BMPER: variants seen among roughly 807,000 people sequenced by gnomAD.
BMPER encodes BMP binding endothelial regulator.
In BMPER, 45 loss-of-function variants were observed where a neutral mutation model predicts 87.3. That is an observed-to-expected ratio of 0.52 (90% confidence interval 0.41 to 0.66). BMPER has a LOEUF of 0.66. Among genes scored for constraint, BMPER ranks in the 30% least tolerant of loss-of-function variants. BMPER has a pLI of 0.00. For missense variants in BMPER, 784 were observed against 867.5 expected (o/e 0.90, Z 1.21); for synonymous variants, 326 against 316.2 (o/e 1.03, Z -0.33).
At chr7:34,011,599 A>AAG (rs1554304697) in intron 6 of BMPER, among the ~76,000 whole-genome samples, 13 of 148,624 alleles carry the variant, frequency 8.7e-5, no homozygotes, top group African/African-American at 2.2e-4. Context: ...AAAAAAAAAA[A>AAG]AAAAAGAAAA....
At chr7:34,100,315 C>G (rs776853394) in intron 13 of BMPER, among the ~76,000 whole-genome samples, 1 of 152,228 alleles carries the variant, frequency 6.6e-6, no homozygotes, top group Non-Finnish European at 1.5e-5. Flanking sequence ...ACCTACTATG[C>G]GTATGTGTGT....
In BMPER at chr7:33,940,314, G is replaced by A. The variant is rs1784721704; in HGVS notation, c.319+2926G>A. On this transcript the variant is annotated intron_variant, in intron 3 of 14. Coordinates refer to ENST00000649409, the MANE Select transcript of BMPER (RefSeq NM_001365308.1). ...AGATACATAAGATTCTGTTGTAAGA[G>A]TGTCTCAACATTCATTTGGTCGTTT... Among the ~76,000 whole-genome samples, 4 of 152,176 alleles carry A rather than the reference G, an allele frequency of 2.6e-5. No homozygotes were observed. The South Asian group carries it at 8.3e-4, about 32-fold the overall frequency.
At chr7:34,039,603 T>TACACAC (rs56214614) in intron 6 of BMPER, among the ~76,000 whole-genome samples, 3,441 of 142,652 alleles carry the variant, frequency 0.024, 52 homozygotes, top group East Asian at 0.068. Flanking sequence ...GACACACAAA[T>TACACAC]ACACACACAC....
intron 6 of BMPER, among the ~76,000 whole-genome samples, chr7:34,030,985 G>C (rs545090447): frequency 6.6e-6 from 1 of 151,434 alleles, no homozygotes; most frequent in African/African-American, 2.4e-5. Context: ...ATGTTGGCAG[G>C]TGTCAAGGAA....
intron 13 of BMPER, among the ~76,000 whole-genome samples, chr7:34,122,752 T>TG (rs1318412788): frequency 6.6e-6 from 1 of 152,206 alleles, no homozygotes; most frequent in East Asian, 1.9e-4. Flanking sequence ...TTTTTCCACA[T>TG]GCTTTTAATA....
intron 11 of BMPER, among the ~76,000 whole-genome samples, chr7:34,075,414 C>T (rs1788838799): frequency 6.6e-6 from 1 of 152,048 alleles, no homozygotes; most frequent in South Asian, 2.1e-4. Flanking sequence ...AGAGAAAAAA[C>T]ACTCACTCCT....
intron 6 of BMPER, among the ~76,000 whole-genome samples, chr7:34,025,548 G>T (rs905411337): frequency 6.6e-6 from 1 of 152,026 alleles, no homozygotes; most frequent in African/African-American, 2.4e-5. Flanking sequence ...CAAGAAGGAG[G>T]ATCTACCCTT....
intron 2 of BMPER, among the ~76,000 whole-genome samples, chr7:33,920,518 T>A (rs781512321): frequency 7.1e-6 from 1 of 141,736 alleles, no homozygotes; most frequent in African/African-American, 2.7e-5. Context: ...CTCCACCTCC[T>A]GGGTTCAAGT....
rs1056640280 is a variant in BMPER at position 34,153,184 on chromosome 7, A to C, written c.1969A>C (p.Lys657Gln). 1.2e-6 allele frequency: 2 copies of C among 1,613,902 alleles called. No individual in the cohort carries two copies. Among genetic ancestry groups the C allele is most frequent in the African/African-American group, 1.3e-5 (1 of 74,900 alleles). Residue 657 changes from lysine (K) to glutamine (Q), a missense_variant, in exon 15 of 15, where the codon AAG becomes CAG. By Grantham distance (53) the Lys-to-Gln change is moderately conservative. Transcript: ENST00000649409. Reference protein sequence around the residue: ...DNWNEIGPCNKPCVAGCHCPA... With the variant: ...DNWNEIGPCNQPCVAGCHCPA... Reference sequence around the variant, plus strand: ...CTGGAATGAAATTGGTCCATGCAACAAGCCGTGCGTTGCTGGGTGCCACTG... The same window carrying C: ...CTGGAATGAAATTGGTCCATGCAACCAGCCGTGCGTTGCTGGGTGCCACTG...
intron 14 of BMPER, among the ~76,000 whole-genome samples, chr7:34,147,417 C>T (rs540508492): frequency 6.6e-6 from 1 of 152,308 alleles, no homozygotes; most frequent in South Asian, 2.1e-4. Context: ...TTTAATGCCC[C>T]TTTGAGAATA....
intron 3 of BMPER, among the ~76,000 whole-genome samples, chr7:33,958,261 T>A (rs1785192852): frequency 6.6e-6 from 1 of 152,222 alleles, no homozygotes; most frequent in African/African-American, 2.4e-5. Context: ...GGAGTGCCTA[T>A]TGCTCAGGGC....
chr7:34,041,662 A>T (rs1039861758), intron 6 of BMPER, among the ~76,000 whole-genome samples: 9 of 152,070 alleles, frequency 5.9e-5, no homozygotes, highest in African/African-American at 2.2e-4. Flanking sequence ...GGCTGATGTG[A>T]TGTAAGATTA....
At chr7:33,944,037 G>C (rs577322395) in intron 3 of BMPER, among the ~76,000 whole-genome samples, 1 of 152,294 alleles carries the variant, frequency 6.6e-6, no homozygotes, top group East Asian at 1.9e-4. Context: ...ATTTGGTCCA[G>C]TATTGCAGAA....
At chr7:34,018,710 T>C (rs1585742158) in intron 6 of BMPER, among the ~76,000 whole-genome samples, 1 of 151,964 alleles carries the variant, frequency 6.6e-6, no homozygotes, top group African/African-American at 2.4e-5. Context: ...AGATGCTTCA[T>C]GCTGGAGAGG....
chr7:34,048,880 T>C (rs1357164977), intron 7 of BMPER, among the ~76,000 whole-genome samples: 7 of 152,216 alleles, frequency 4.6e-5, no homozygotes, highest in African/African-American at 1.4e-4. Flanking sequence ...TTTTATCTTA[T>C]GTTGGACCAT....
chr7:34,080,201 T>A (rs1380041381), intron 12 of BMPER, among the ~76,000 whole-genome samples: 1 of 152,232 alleles, frequency 6.6e-6, no homozygotes, highest in African/African-American at 2.4e-5. Context: ...TCAGTTGGAT[T>A]CCCGTTTCTT....
intron 3 of BMPER, 109 bp from the exon 4 acceptor site, chr7:33,966,370 T>C: frequency 1.1e-6 from 1 of 940,152 alleles, no homozygotes; most frequent in South Asian, 1.4e-5. Flanking sequence ...TGGTGGTTCC[T>C]TTGATCGCTA....
chr7:33,964,615 C>T (rs1229485705), intron 3 of BMPER, among the ~76,000 whole-genome samples: 2 of 152,138 alleles, frequency 1.3e-5, no homozygotes, highest in Admixed American at 6.5e-5. Context: ...TACCTTTTAT[C>T]CCATAAAGAG....
intron 13 of BMPER, among the ~76,000 whole-genome samples, chr7:34,101,319 C>G (rs1789676796): frequency 6.6e-6 from 1 of 152,160 alleles, no homozygotes; most frequent in South Asian, 2.1e-4. Flanking sequence ...CTGCAGGGAG[C>G]AAAGGCACAC....
Sources: gnomAD v4.1 joint callset for allele counts (sites outside exome capture counted in the v4.1 genomes callset) on GRCh38, gnomAD v4.1.1 for gene constraint, MANE v1.5 for transcripts, NCBI Gene and HGNC (gene_info 2026-07-23, HGNC 2026-07-21) for gene names.